Variants in DST observed in about 807,000 individuals in gnomAD.
The protein encoded by DST is dystonin.
In DST, 253 loss-of-function variants were observed where a neutral mutation model predicts 875.2. The ratio of observed to expected loss-of-function variants is 0.29; its 90% CI spans 0.26 to 0.32. The LOEUF (loss-of-function observed/expected upper bound fraction) is 0.32. DST is among the 10% of genes least tolerant of loss of function. DST has a pLI of 1.00. For synonymous variants in DST, 3,124 were observed against 3,197.1 expected, an observed-to-expected ratio of 0.98 and a Z score of 0.77; for missense variants, 8,287 against 9,111.6, an observed-to-expected ratio of 0.91 and a Z score of 3.68.
At chr6:56,548,708 C>T (rs1052456137) in intron 61 of DST, among the ~76,000 whole-genome samples, 7 of 152,072 alleles carry the variant, frequency 4.6e-5, no homozygotes, top group Non-Finnish European at 7.4e-5. Context: ...AGAATTTAAC[C>T]GTAATCATAA....
chr6:56,628,909 C>T (rs1291390314), intron 32 of DST, among the ~76,000 whole-genome samples: 1 of 152,182 alleles, frequency 6.6e-6, no homozygotes, highest in Non-Finnish European at 1.5e-5. Context: ...ACAGCCCTAT[C>T]ACATGCATGC....
At chr6:56,514,819 T>C (rs570904080) in intron 72 of DST, among the ~76,000 whole-genome samples, 1 of 152,220 alleles carries the variant, frequency 6.6e-6, no homozygotes, top group Non-Finnish European at 1.5e-5. Flanking sequence ...AAGAGGGCTT[T>C]ATGTGCCATT....
chr6:56,482,640 T>C (rs775621522), intron 89 of DST, 43 bp downstream of exon 89: 10 of 1,579,960 alleles, frequency 6.3e-6, no homozygotes, highest in East Asian at 2.3e-5. Context: ...GAGGTTTCAA[T>C]ACTTTTCCCA....
intron 4 of DST, among the ~76,000 whole-genome samples, chr6:56,816,728 G>A (rs755082318): frequency 2.9e-4 from 44 of 152,202 alleles, no homozygotes; most frequent in Middle Eastern, 6.8e-3. Context: ...GTTCGCAGTC[G>A]GGTTGGTCTA....
At chr6:56,616,037 A>T (rs1157419534) in intron 36 of DST, 1 of 1,614,214 alleles carries the variant, frequency 6.2e-7, no homozygotes, top group Admixed American at 1.7e-5. Context: ...AAGGCATCGG[A>T]GGGCAGTAAT....
intron 5 of DST, among the ~76,000 whole-genome samples, chr6:56,731,791 ATTTCTCAAACT>A (rs1272992385): frequency 6.6e-6 from 1 of 152,200 alleles, no homozygotes; most frequent in Admixed American, 6.5e-5. Context: ...ATAGAGTAAT[ATTTCTCAAACT>A]TTTTGGTCTC....
chr6:56,620,416 C>G (rs770306399), intron 36 of DST: 1 of 1,614,192 alleles, frequency 6.2e-7, no homozygotes, highest in Non-Finnish European at 8.5e-7. Context: ...CGGCTTCCTT[C>G]TCTCTCACAA....
At chr6:56,919,388 T>A (rs1172319725) in intron 2 of DST, among the ~76,000 whole-genome samples, 1 of 152,208 alleles carries the variant, frequency 6.6e-6, no homozygotes, top group African/African-American at 2.4e-5. Context: ...AATTTTTAAG[T>A]ATAGTGTGAG....
chr6:56,639,306 C>T lies in DST; in HGVS notation c.2917G>A (p.Ala973Thr), dbSNP rs766404235. ...EENIKSVQEI[A>T]EQLLLENHPA... The stretch of plus-strand genomic sequence containing the variant: ...TGATTTTCTAGAAGTAGCTGCTCTG[C>T]TATCTCCTGAACTGATTTAATATTT... Residue 973 changes from alanine to threonine, a missense_variant, in exon 22 of 104, where the codon GCA (alanine) becomes ACA (threonine). Physicochemically the swap from Ala to Thr is moderately conservative, Grantham distance 58. Around this residue, in one of 10 missense-constraint regions of DST, gnomAD observed 1,160 missense variants for 1,424.3 expected, o/e 0.81. Coordinates refer to ENST00000680361, the MANE Select transcript of DST (RefSeq NM_001374736.1). 2 of 1,613,808 alleles carry T rather than the reference C, an allele frequency of 1.2e-6. No homozygotes were observed. Among genetic ancestry groups the T allele is most frequent in the Non-Finnish European group, 1.7e-6 (2 of 1,179,844 alleles).
rs2099519065 is a variant in DST, at chr6:56,735,362, T to C, written c.626-73A>G. 8.8e-6 allele frequency: 8 copies of C among 914,000 alleles called. No individual in the cohort carries two copies. The South Asian group carries it at 1.2e-4, about 14-fold the overall frequency. The allele number at this position is 914,000 out of a possible 1,614,324, so 56.6% of individuals were successfully genotyped here. On this transcript the variant is annotated intron_variant, in intron 4 of 103. Transcript: ENST00000680361. ...ATAGATGACTTTGTGATCATGAATA[T>C]AAACAAAAATGAGATATTTAAAAGA...
intron 98 of DST, among the ~76,000 whole-genome samples, chr6:56,467,725 A>C (rs2094652694): frequency 6.6e-6 from 1 of 152,172 alleles, no homozygotes; most frequent in Non-Finnish European, 1.5e-5. Context: ...TAATGAATAC[A>C]AATAATTTTC....
intron 4 of DST, among the ~76,000 whole-genome samples, chr6:56,773,080 T>G (rs1237297970): frequency 2.0e-5 from 3 of 152,082 alleles, no homozygotes; most frequent in Non-Finnish European, 4.4e-5. Context: ...ACAGATCCAC[T>G]AACTCAGCTG....
At chr6:56,507,610 C>A (rs945207507) in intron 75 of DST, among the ~76,000 whole-genome samples, 1 of 152,274 alleles carries the variant, frequency 6.6e-6, no homozygotes, top group African/African-American at 2.4e-5. Flanking sequence ...GCAGGAAGGA[C>A]ATTCTAGAGT....
intron 5 of DST, among the ~76,000 whole-genome samples, chr6:56,715,360 A>T (rs1249747395): frequency 6.6e-6 from 1 of 152,242 alleles, no homozygotes; most frequent in African/African-American, 2.4e-5. Context: ...CCACTTCTGC[A>T]TGCCAAGCCT....
intron 10 of DST, among the ~76,000 whole-genome samples, chr6:56,669,899 T>C (rs2099091361): frequency 6.6e-6 from 1 of 152,184 alleles, no homozygotes; most frequent in South Asian, 2.1e-4. Context: ...GATTTAGCTG[T>C]TAATAATGCT....
chr6:56,486,408 T>C (rs561773577), intron 87 of DST, among the ~76,000 whole-genome samples: 1 of 127,680 alleles, frequency 7.8e-6, no homozygotes, highest in Non-Finnish European at 1.8e-5. Flanking sequence ...AAAACTAACA[T>C]GACAAAAACT....
intron 69 of DST, among the ~76,000 whole-genome samples, chr6:56,523,508 T>C (rs1411591659): frequency 6.6e-6 from 1 of 152,174 alleles, no homozygotes; most frequent in African/African-American, 2.4e-5. Flanking sequence ...TCTTGACATC[T>C]TCCATGCTGA....
chr6:56,508,946 TGG>T (rs1226349751), intron 74 of DST, among the ~76,000 whole-genome samples, 191 bp from the exon 75 acceptor site: 2 of 152,164 alleles, frequency 1.3e-5, no homozygotes, highest in African/African-American at 2.4e-5. Flanking sequence ...ATAATATCTC[TGG>T]GTCTGCTATT....
At chr6:56,565,411 G>A (rs948113941) in intron 55 of DST, among the ~76,000 whole-genome samples, 3 of 152,036 alleles carry the variant, frequency 2.0e-5, no homozygotes, top group African/African-American at 4.8e-5. Flanking sequence ...CAGCCACCAC[G>A]CCCGGCTAAG....
Sources: gnomAD v4.1 joint callset for allele counts (sites outside exome capture counted in the v4.1 genomes callset) on GRCh38, gnomAD v4.1.1 for gene constraint, gnomAD v4.1.1 regional missense constraint, MANE v1.5 for transcripts, NCBI Gene and HGNC (gene_info 2026-07-23, HGNC 2026-07-21) for gene names.